Variants in CAMSAP3 observed in about 807,000 individuals in gnomAD.
CAMSAP3 encodes calmodulin-regulated spectrin-associated protein 3.
In CAMSAP3, 34 loss-of-function variants were observed where a neutral mutation model predicts 112.5. That is an observed-to-expected ratio of 0.30 (90% CI 0.23 to 0.40). CAMSAP3 has a LOEUF of 0.40. CAMSAP3 is among the 10% of genes least tolerant of loss of function. CAMSAP3 has a pLI of 1.00. For missense variants in CAMSAP3, 1,602 were observed against 1,770.3 expected (o/e 0.90, Z 1.71); for synonymous variants, 868 against 799.8 (o/e 1.09, Z -1.44).
At chr19:7,605,145 GT>G in intron 1 of CAMSAP3, 80 bp from the exon 2 acceptor site, 1 of 447,730 alleles carries the variant, frequency 2.2e-6, no homozygotes, top group Non-Finnish European at 3.1e-6. Context: ...TCCGGGCCAT[GT>G]GGTGTGTGTG....
In CAMSAP3 at chr19:7,603,449, A is replaced by G. The variant is rs976421897; in HGVS notation, c.149-1777A>G. Among the ~76,000 whole-genome samples, 13 of 152,210 alleles carry G rather than the reference A, an allele frequency of 8.5e-5. No individual in the cohort carries two copies. In the East Asian group the frequency reaches 2.5e-3, roughly 29 times the overall value. On this transcript the variant is annotated intron_variant, in intron 1 of 16. Transcript: ENST00000160298. ...AGGCTGGTCTTGAACTCCTGACCTT[A>G]AAAGATCTGCCTACCTTGTTTTCCC...
In CAMSAP3 at chr19:7,610,978, C is replaced by T. The variant is rs758122122; in HGVS notation, c.1049+47C>T. 2.5e-6 allele frequency: 4 copies of T among 1,574,626 alleles called. No homozygotes were observed. The highest frequency in any genetic ancestry group is 3.5e-6 in the Non-Finnish European group (4 of 1,154,394). Reference sequence around the variant, plus strand: ...AGTCTCTGGCATTGTGGGTGTGGGGCTCCATGTCTGCCTTGCTGAGCACTG... The same window carrying T: ...AGTCTCTGGCATTGTGGGTGTGGGGTTCCATGTCTGCCTTGCTGAGCACTG... On this transcript the variant is annotated intron_variant, in intron 8 of 16. Coordinates refer to ENST00000160298, the MANE Select transcript of CAMSAP3 (RefSeq NM_020902.2). The surrounding 1 kb of genome is among the most constrained non-coding windows in gnomAD (Gnocchi z 4.9).
At position 7,613,067 on chromosome 19, in the gene CAMSAP3, C is replaced by T. The variant is rs773507844; in HGVS notation, c.2574C>T (p.Asp858=). ...GCCTGGCAGATCCCGCCGCCGAGGA[C>T]GAGGGAGACGGGAGCCCCGCTGGTG... ...LGSLADPAAE[D]EGDGSPAGAE... The change falls in exon 11 of 17, where the codon GAC becomes GAT. Residue 858 remains aspartate, a synonymous_variant. Coordinates refer to ENST00000160298, the MANE Select transcript of CAMSAP3 (RefSeq NM_020902.2). 1.2e-5 allele frequency: 18 copies of T among 1,547,934 alleles called. No homozygotes were observed. The highest frequency in any genetic ancestry group is 7.1e-5 in the South Asian group (6 of 84,060).
At position 7,611,237 on chromosome 19, in the gene CAMSAP3, A is replaced by G. The variant is rs1036173577; in HGVS notation, c.1123+69A>G. On this transcript the variant is annotated intron_variant, in intron 9 of 16. Transcript: ENST00000160298. This position sits in a 1 kb window ranked among gnomAD's most constrained non-coding sequence, Gnocchi z 6.9. ...CTCACAGACTGCCCCAGTGGGCCTC[A>G]TGTTGTCTCCTCGTGAGCCTTCCAA... 2.0e-6 allele frequency: 3 copies of G among 1,475,478 alleles called. No homozygotes were observed. Among genetic ancestry groups the G allele is most frequent in the Non-Finnish European group, 2.8e-6 (3 of 1,058,190 alleles). 91.4% of individuals were successfully genotyped at this position (1,475,478 alleles called of 1,614,324 possible).
chr19:7,615,131 C>T lies in CAMSAP3; in HGVS notation c.2671-52C>T. On this transcript the variant is annotated intron_variant, in intron 11 of 16. Coordinates refer to ENST00000160298, the MANE Select transcript of CAMSAP3 (RefSeq NM_020902.2). The surrounding 1 kb of genome is among the most constrained non-coding windows in gnomAD (Gnocchi z 6.5). ...GGCTGGGTGGAGGGAAGATGGGCCTCCAGCCATGTTGGGGGAGGGGGTGGC... is the reference window on the plus strand; with the variant it reads ...GGCTGGGTGGAGGGAAGATGGGCCTTCAGCCATGTTGGGGGAGGGGGTGGC... The T allele has an allele frequency of 6.5e-7, 1 of 1,550,038 alleles. No homozygotes were observed. The highest frequency in any genetic ancestry group is 8.7e-7 in the Non-Finnish European group (1 of 1,146,482).
At chr19:7,599,053 C>T (rs953754767) in intron 1 of CAMSAP3, among the ~76,000 whole-genome samples, 2 of 151,804 alleles carry the variant, frequency 1.3e-5, no homozygotes, top group Non-Finnish European at 2.9e-5. Context: ...GGCTTGTAGT[C>T]CCAGCTACTC....
At position 7,615,134 on chromosome 19, in the gene CAMSAP3, G is replaced by A. The variant is rs199973367; in HGVS notation, c.2671-49G>A. The stretch of plus-strand genomic sequence containing the variant: ...TGGGTGGAGGGAAGATGGGCCTCCA[G>A]CCATGTTGGGGGAGGGGGTGGCTGG... On this transcript the variant is annotated intron_variant, in intron 11 of 16. Coordinates refer to ENST00000160298, the MANE Select transcript of CAMSAP3 (RefSeq NM_020902.2). The surrounding 1 kb of genome is among the most constrained non-coding windows in gnomAD (Gnocchi z 6.5). The A allele has an allele frequency of 5.8e-6, 9 of 1,550,190 alleles. No homozygotes were observed. Among genetic ancestry groups the A allele is most frequent in the Non-Finnish European group, 7.0e-6 (8 of 1,146,616 alleles).
rs2030285492 is a variant in CAMSAP3 at position 7,607,671 on chromosome 19, G to A, written c.622-455G>A. The A allele has an allele frequency of 3.0e-6, 1 of 337,842 alleles. No individual in the cohort carries two copies. The highest frequency in any genetic ancestry group is 5.6e-6 in the Non-Finnish European group (1 of 177,488). The allele number at this position is 337,842 out of a possible 1,614,324, so 20.9% of individuals were successfully genotyped here. Reference sequence around the variant, plus strand: ...GTCCCTTGGGGCTGGGAGGAGCTGGGGTTCGCGAAGCCGGCCAGAGCAGTC... The same window carrying A: ...GTCCCTTGGGGCTGGGAGGAGCTGGAGTTCGCGAAGCCGGCCAGAGCAGTC... On this transcript the variant is annotated intron_variant, in intron 4 of 16. Transcript: ENST00000160298. This position sits in a 1 kb window ranked among gnomAD's most constrained non-coding sequence, Gnocchi z 4.9.
Position 7,606,752 on chromosome 19 carries a change from C to T in CAMSAP3, c.621+181C>T. 1.2e-6 allele frequency: 2 copies of T among 1,613,798 alleles called. 1 individual carries two copies. The highest frequency in any genetic ancestry group is 3.3e-4 in the Middle Eastern group (2 of 6,060). ...GTCCCCTGTGCCGGTACCCGCTGCC[C>T]TCCTCTCTGCCTCTCTGGCCTCAGT... On this transcript the variant is annotated intron_variant, in intron 4 of 16. Transcript: ENST00000160298.
rs955190534 is a variant in CAMSAP3 at position 7,607,827 on chromosome 19, A to G, written c.622-299A>G. The G allele has an allele frequency of 1.9e-5, 25 of 1,335,466 alleles. No homozygotes were observed. Among genetic ancestry groups the G allele is most frequent in the African/African-American group, 4.5e-5 (3 of 66,728 alleles). The allele number at this position is 1,335,466 out of a possible 1,614,324, so 82.7% of individuals were successfully genotyped here. The stretch of plus-strand genomic sequence containing the variant: ...GCTGCTCCTCTCCCCCCAGCACGCA[A>G]TTGCCTTCTGTTTGAAGGAGTCGGG... On this transcript the variant is annotated intron_variant, in intron 4 of 16. Transcript: ENST00000160298. The surrounding 1 kb of genome is among the most constrained non-coding windows in gnomAD (Gnocchi z 4.9).
chr19:7,615,411 T>C lies in CAMSAP3; in HGVS notation c.2811-7T>C. On this transcript the variant is annotated splice_region_variant and splice_polypyrimidine_tract_variant and intron_variant, in intron 12 of 16. Transcript: ENST00000160298. This position sits in a 1 kb window ranked among gnomAD's most constrained non-coding sequence, Gnocchi z 6.5. The stretch of plus-strand genomic sequence containing the variant: ...CGGTTCTGATGCCGATTCCCTGTGA[T>C]CTGCAGGCTGGCCCAAGAGGAGGCC... The C allele has an allele frequency of 1.9e-6, 3 of 1,540,410 alleles. No homozygotes were observed. Among genetic ancestry groups the C allele is most frequent in the Non-Finnish European group, 2.6e-6 (3 of 1,145,144 alleles).
At chr19:7,596,172 G>A in intron 1 of CAMSAP3, 22 bp downstream of exon 1, 1 of 879,984 alleles carries the variant, frequency 1.1e-6, no homozygotes, top group East Asian at 9.4e-5. Context: ...CGGGGGACCG[G>A]GGTCGGGGGC....
Position 7,607,819 on chromosome 19 carries a change from A to G in CAMSAP3, c.622-307A>G. The G allele has an allele frequency of 8.0e-7, 1 of 1,249,976 alleles. No homozygotes were observed. The highest frequency in any genetic ancestry group is 2.9e-5 in the Admixed American group (1 of 34,902). 77.4% of individuals were successfully genotyped at this position (1,249,976 alleles called of 1,614,324 possible). On this transcript the variant is annotated intron_variant, in intron 4 of 16. Coordinates refer to ENST00000160298, the MANE Select transcript of CAMSAP3 (RefSeq NM_020902.2). The surrounding 1 kb of genome is among the most constrained non-coding windows in gnomAD (Gnocchi z 4.9). ...TGCTGATGGCTGCTCCTCTCCCCCC[A>G]GCACGCAATTGCCTTCTGTTTGAAG...
Position 7,617,382 on chromosome 19 carries a change from G to T in CAMSAP3, c.3269G>T (p.Arg1090Leu), listed in dbSNP as rs746780174. The T allele has an allele frequency of 6.2e-7, 1 of 1,614,100 alleles. No homozygotes were observed. Among genetic ancestry groups the T allele is most frequent in the South Asian group, 1.1e-5 (1 of 91,086 alleles). ...AGCCGCCTGCCTGGAAGCCGCGAACGGGACTGGGAAAATGGCAGCAATGCC... is the reference window on the plus strand; with the variant it reads ...AGCCGCCTGCCTGGAAGCCGCGAACTGGACTGGGAAAATGGCAGCAATGCC... Reference protein sequence around the residue: ...SPSRLPGSRERDWENGSNASS... With the variant: ...SPSRLPGSRELDWENGSNASS... The change falls in exon 15 of 17, where the codon CGG (arginine) becomes CTG (leucine). Residue 1090 changes from arginine to leucine, a missense_variant. Coordinates refer to ENST00000160298, the MANE Select transcript of CAMSAP3 (RefSeq NM_020902.2). This position sits in a 1 kb window ranked among gnomAD's most constrained non-coding sequence, Gnocchi z 7.5.
At position 7,611,238 on chromosome 19, in the gene CAMSAP3, T is replaced by G; in HGVS notation, c.1123+70T>G. 1 of 1,465,664 alleles carries G rather than the reference T, an allele frequency of 6.8e-7. No homozygotes were observed. Among genetic ancestry groups the G allele is most frequent in the Non-Finnish European group, 9.5e-7 (1 of 1,049,494 alleles). 90.8% of individuals were successfully genotyped at this position (1,465,664 alleles called of 1,614,324 possible). Reference sequence around the variant, plus strand: ...TCACAGACTGCCCCAGTGGGCCTCATGTTGTCTCCTCGTGAGCCTTCCAAT... The same window carrying G: ...TCACAGACTGCCCCAGTGGGCCTCAGGTTGTCTCCTCGTGAGCCTTCCAAT... On this transcript the variant is annotated intron_variant, in intron 9 of 16. Transcript: ENST00000160298. The surrounding 1 kb of genome is among the most constrained non-coding windows in gnomAD (Gnocchi z 6.9).
chr19:7,606,133 C>CT, intron 2 of CAMSAP3, 138 bp from the exon 3 acceptor site: 1 of 726,980 alleles, frequency 1.4e-6, no homozygotes, highest in Admixed American at 2.5e-5. Flanking sequence ...CCATGAACCA[C>CT]TGGCCCCGCC....
chr19:7,613,398 G>T (rs1365493817), intron 11 of CAMSAP3, among the ~76,000 whole-genome samples: 1 of 150,560 alleles, frequency 6.6e-6, no homozygotes, highest in African/African-American at 2.4e-5. Flanking sequence ...TGGGGGGCAG[G>T]TATGTGGGGT....
Position 7,612,247 on chromosome 19 carries a change from C to T in CAMSAP3, c.1754C>T (p.Ser585Phe), listed in dbSNP as rs374239550. 2 of 1,591,466 alleles carry T rather than the reference C, an allele frequency of 1.3e-6. No individual in the cohort carries two copies. Among genetic ancestry groups the T allele is most frequent in the African/African-American group, 1.3e-5 (1 of 74,384 alleles). ...VKAEAEAGAGSPTSTPAPPEA... is the reference protein window; with the variant it reads ...VKAEAEAGAGFPTSTPAPPEA... ...GCAGAGGCTGAGGCCGGAGCGGGGT[C>T]CCCCACGTCCACTCCGGCCCCGCCG... The change falls in exon 11 of 17, where the codon TCC (serine) becomes TTC (phenylalanine). Residue 585 changes from serine (S) to phenylalanine (F), a missense_variant. Transcript: ENST00000160298.
Position 7,596,034 on chromosome 19 carries a change from C to A in CAMSAP3, c.32C>A (p.Pro11Gln). 8.2e-7 allele frequency: 1 copy of A among 1,226,198 alleles called. No individual in the cohort carries two copies. The highest frequency in any genetic ancestry group is 1.0e-6 in the Non-Finnish European group (1 of 957,222). 76.0% of individuals were successfully genotyped at this position (1,226,198 alleles called of 1,614,324 possible). MVEAAPPGPG[P>Q]LRRTFLVPEI... is the part of the protein sequence containing the mutation. ...GAGGCGGCGCCCCCCGGGCCCGGGCCGCTGCGGAGGACCTTTCTAGTGCCC... is the reference window on the plus strand; with the variant it reads ...GAGGCGGCGCCCCCCGGGCCCGGGCAGCTGCGGAGGACCTTTCTAGTGCCC... Residue 11 changes from proline to glutamine, a missense_variant, in exon 1 of 17, where the codon CCG (proline) becomes CAG (glutamine). By Grantham distance (76) the Pro-to-Gln change is moderately conservative. Transcript: ENST00000160298.
Sources: allele counts gnomAD v4.1 joint callset (sites outside exome capture counted in the v4.1 genomes callset), GRCh38; gene constraint gnomAD v4.1.1; non-coding constraint Gnocchi (gnomAD v3.1); transcripts MANE v1.5; gene names NCBI Gene and HGNC (gene_info 2026-07-23, HGNC 2026-07-21).